Variants in CCDC148 observed in about 807,000 individuals in gnomAD.
CCDC148 encodes the protein coiled-coil domain containing 148.
Under a neutral mutation model 85.7 loss-of-function variants are expected in CCDC148, and 89 were observed. The ratio of observed to expected loss-of-function variants is 1.04; its 90% CI spans 0.87 to 1.24. CCDC148 has a LOEUF of 1.24. CCDC148 is among the 50% of genes most tolerant of loss of function. CCDC148 has a pLI of 0.00. For missense variants in CCDC148, 692 were observed against 671.7 expected (o/e 1.03, Z -0.33); for synonymous variants, 230 against 213.9 (o/e 1.08, Z -0.66).
intron 13 of CCDC148, among the ~76,000 whole-genome samples, chr2:158,173,276 G>A (rs927299489): frequency 6.6e-6 from 1 of 152,048 alleles, no homozygotes; most frequent in Non-Finnish European, 1.5e-5. Flanking sequence ...CTTGGGATAA[G>A]GGTGGTTTGA....
At chr2:158,187,926 T>C (rs1375644479) in intron 11 of CCDC148, among the ~76,000 whole-genome samples, 2 of 152,034 alleles carry the variant, frequency 1.3e-5, no homozygotes, top group Non-Finnish European at 2.9e-5. Flanking sequence ...GTAACTATAT[T>C]ACATTGCTGG....
intron 1 of CCDC148, among the ~76,000 whole-genome samples, chr2:158,410,040 AG>A (rs776108580): frequency 6.6e-6 from 1 of 152,176 alleles, no homozygotes; most frequent in Non-Finnish European, 1.5e-5. Context: ...TGAAACTGTG[AG>A]TCCATTAAAA....
At chr2:158,330,047 G>C (rs974052499) in intron 7 of CCDC148, among the ~76,000 whole-genome samples, 28 of 152,228 alleles carry the variant, frequency 1.8e-4, no homozygotes, top group African/African-American at 6.3e-4. Context: ...ACGCTATGTT[G>C]AATAGGAGTG....
chr2:158,395,366 G>A (rs1179546682), intron 1 of CCDC148, among the ~76,000 whole-genome samples: 2 of 152,000 alleles, frequency 1.3e-5, no homozygotes, highest in African/African-American at 4.8e-5. Flanking sequence ...TGCTGTCCAG[G>A]GAAATTCCTA....
intron 7 of CCDC148, among the ~76,000 whole-genome samples, chr2:158,323,918 A>ATTTTTTTTTT (rs1692635750): frequency 8.1e-6 from 1 of 122,950 alleles, no homozygotes; most frequent in Non-Finnish European, 1.8e-5. Context: ...CCTGGGAATA[A>ATTTTTTTTTT]CTTTTTTTTT....
chr2:158,181,707 G>T (rs1684911855), intron 11 of CCDC148, among the ~76,000 whole-genome samples: 1 of 152,036 alleles, frequency 6.6e-6, no homozygotes, highest in African/African-American at 2.4e-5. Context: ...AGGTGAGAGT[G>T]AGCAGGTATG....
chr2:158,266,337 G>C (rs1689451570), intron 9 of CCDC148, among the ~76,000 whole-genome samples: 1 of 152,258 alleles, frequency 6.6e-6, no homozygotes, highest in Admixed American at 6.5e-5. Context: ...CCAGCCAGTT[G>C]CTGCCACATA....
chr2:158,384,473 A>G (rs973013371), intron 1 of CCDC148, among the ~76,000 whole-genome samples: 1 of 151,944 alleles, frequency 6.6e-6, no homozygotes, highest in African/African-American at 2.4e-5. Flanking sequence ...TTCTCATGAG[A>G]TCTGTTTGTT....
intron 2 of CCDC148, among the ~76,000 whole-genome samples, chr2:158,348,942 C>T (rs780147972): frequency 2.0e-5 from 3 of 152,002 alleles, no homozygotes; most frequent in Non-Finnish European, 2.9e-5. Context: ...TGTACAGTTA[C>T]ACACAATGTA....
chr2:158,352,285 G>T (rs9678021), intron 2 of CCDC148, among the ~76,000 whole-genome samples: 116,118 of 149,708 alleles, frequency 0.78, 45,354 homozygotes, highest in East Asian at 0.95. Flanking sequence ...TCTGAGCTAC[G>T]GGAGGACATT....
At chr2:158,176,396 A>T (rs1684587279) in intron 13 of CCDC148, 125 bp downstream of exon 13, 3 of 894,786 alleles carry the variant, frequency 3.4e-6, no homozygotes, top group Non-Finnish European at 4.9e-6. Context: ...AGAAGTAAAA[A>T]TTATGCTAAT....
At chr2:158,219,122 T>C (rs967308026) in intron 11 of CCDC148, among the ~76,000 whole-genome samples, 5 of 152,158 alleles carry the variant, frequency 3.3e-5, no homozygotes, top group Non-Finnish European at 5.9e-5. Context: ...ATAGGCTTTA[T>C]TTATTATAGC....
At chr2:158,298,939 G>A (rs1691318492) in intron 9 of CCDC148, among the ~76,000 whole-genome samples, 1 of 152,102 alleles carries the variant, frequency 6.6e-6, no homozygotes, top group Non-Finnish European at 1.5e-5. Flanking sequence ...TGGACATTGT[G>A]AATCATATTT....
intron 1 of CCDC148, chr2:158,380,737 T>C (rs1408785423): frequency 6.6e-6 from 1 of 152,126 alleles, no homozygotes; most frequent in Non-Finnish European, 1.5e-5. Flanking sequence ...GAAGTTCTAA[T>C]AATCAAGACT....
At chr2:158,221,232 T>C (rs17194347) in intron 10 of CCDC148, among the ~76,000 whole-genome samples, 27,784 of 152,058 alleles carry the variant, frequency 0.18, 2,698 homozygotes, top group Middle Eastern at 0.23. Context: ...AAAGAACAAA[T>C]TAGCAGGGTT....
intron 1 of CCDC148, chr2:158,365,915 T>C: frequency 1.2e-6 from 1 of 804,518 alleles, no homozygotes; most frequent in Non-Finnish European, 1.9e-6. Context: ...AGCTTTCCAT[T>C]ATTAAAATTT....
At chr2:158,253,048 A>G (rs969261099) in intron 9 of CCDC148, among the ~76,000 whole-genome samples, 1 of 151,728 alleles carries the variant, frequency 6.6e-6, no homozygotes, top group African/African-American at 2.4e-5. Context: ...CTATGTATAC[A>G]CATCAACATG....
chr2:158,331,984 T>C (rs575383196), intron 7 of CCDC148, among the ~76,000 whole-genome samples: 35 of 152,344 alleles, frequency 2.3e-4, no homozygotes, highest in African/African-American at 8.4e-4. Context: ...TGTCTTTTAA[T>C]TGGAGCATTT....
chr2:158,317,945 C>A (rs1184566700), intron 7 of CCDC148, among the ~76,000 whole-genome samples: 1 of 152,174 alleles, frequency 6.6e-6, no homozygotes, highest in African/African-American at 2.4e-5. Context: ...ACCTACTGCT[C>A]CTTCACAGAG....
Sources: allele counts gnomAD v4.1 joint callset (sites outside exome capture counted in the v4.1 genomes callset), GRCh38; gene constraint gnomAD v4.1.1; transcripts MANE v1.5; gene names NCBI Gene and HGNC (gene_info 2026-07-23, HGNC 2026-07-21).